Variants in FOXK2 observed in about 807,000 individuals in gnomAD.
The protein encoded by FOXK2 is forkhead box K2, also known as forkhead box protein K2.
In FOXK2, 24 loss-of-function variants were observed where a neutral mutation model predicts 53.3. The observed-to-expected ratio is 0.45, with a 90% CI of 0.33 to 0.63. The LOEUF (loss-of-function observed/expected upper bound fraction) is 0.63. Among genes scored for constraint, FOXK2 ranks in the 30% least tolerant of loss-of-function variants. FOXK2 has a pLI of 0.03. For synonymous variants in FOXK2, 505 were observed against 407.1 expected (o/e 1.24, Z -2.89); for missense variants, 952 against 910.5 (o/e 1.05, Z -0.59).
At chr17:82,592,186 C>T (rs369234610) in intron 8 of FOXK2, among the ~76,000 whole-genome samples, 5 of 152,138 alleles carry the variant, frequency 3.3e-5, no homozygotes, top group African/African-American at 7.2e-5. Context: ...ATTACAGGTA[C>T]GAGCCAGCAT....
chr17:82,551,093 G>A (rs936371610), intron 1 of FOXK2, among the ~76,000 whole-genome samples: 1 of 151,906 alleles, frequency 6.6e-6, no homozygotes, highest in African/African-American at 2.4e-5. Flanking sequence ...CGAGGCGGGC[G>A]GATCACAAGC....
chr17:82,539,098 C>T (rs566550016), intron 1 of FOXK2, among the ~76,000 whole-genome samples: 24 of 150,756 alleles, frequency 1.6e-4, no homozygotes, highest in Admixed American at 2.0e-4. Flanking sequence ...GTAAGGTGGC[C>T]GGGCGTGGTG....
chr17:82,536,982 CA>C (rs1208023784), intron 1 of FOXK2, among the ~76,000 whole-genome samples: 1 of 152,200 alleles, frequency 6.6e-6, no homozygotes, highest in African/African-American at 2.4e-5. Flanking sequence ...CAGACACACA[CA>C]ATACATTTTG....
At chr17:82,586,676 C>G (rs909625067) in intron 7 of FOXK2, among the ~76,000 whole-genome samples, 1 of 151,940 alleles carries the variant, frequency 6.6e-6, no homozygotes, top group East Asian at 1.9e-4. Context: ...CTGAGACGGT[C>G]GGATCACCTG....
chr17:82,520,939 A>G (rs565340972), intron 1 of FOXK2, among the ~76,000 whole-genome samples: 10 of 152,334 alleles, frequency 6.6e-5, no homozygotes, highest in African/African-American at 2.2e-4. Flanking sequence ...CATAACTTCT[A>G]CAAAAAGACA....
rs1344454826 is a variant in FOXK2 at position 82,603,570 on chromosome 17, G to A, written c.*2071G>A. 6.6e-6 allele frequency: 1 copy of A among 152,206 alleles called. No homozygotes were observed. The highest frequency in any genetic ancestry group is 2.4e-5 in the African/African-American group (1 of 41,448). The allele number at this position is 152,206 out of a possible 1,614,324, so 9.4% of individuals were successfully genotyped here. On this transcript the variant is annotated 3_prime_UTR_variant, in exon 9 of 9. Coordinates refer to ENST00000335255, the MANE Select transcript of FOXK2 (RefSeq NM_004514.4). Reference sequence around the variant, plus strand: ...TGTATGTTACTATCCAGAAGGAGTCGGGGGTAGACTTTCCCGTGTAAGCTC... The same window carrying A: ...TGTATGTTACTATCCAGAAGGAGTCAGGGGTAGACTTTCCCGTGTAAGCTC...
chr17:82,525,372 G>T (rs2144040103), intron 1 of FOXK2, among the ~76,000 whole-genome samples: 1 of 152,166 alleles, frequency 6.6e-6, no homozygotes, highest in Non-Finnish European at 1.5e-5. Context: ...TAGAGACGGG[G>T]TTTCACCATG....
intron 4 of FOXK2, chr17:82,576,961 G>C (rs928397886): frequency 7.7e-6 from 3 of 391,528 alleles, no homozygotes; most frequent in Non-Finnish European, 1.4e-5. Context: ...GAGGGTTCGA[G>C]ACCAGATGAC....
At chr17:82,555,299 G>A (rs1337122458) in intron 1 of FOXK2, among the ~76,000 whole-genome samples, 1 of 152,154 alleles carries the variant, frequency 6.6e-6, no homozygotes, top group Non-Finnish European at 1.5e-5. Context: ...AGCCATGTGG[G>A]GAAGACACAG....
intron 1 of FOXK2, among the ~76,000 whole-genome samples, chr17:82,549,637 A>C (rs921712604): frequency 3.3e-5 from 5 of 152,130 alleles, no homozygotes; most frequent in African/African-American, 1.2e-4. Context: ...ATGGGGGCCA[A>C]AACCCCCCAA....
chr17:82,530,239 C>T (rs547505323), intron 1 of FOXK2, among the ~76,000 whole-genome samples: 1 of 152,032 alleles, frequency 6.6e-6, no homozygotes, highest in Non-Finnish European at 1.5e-5. Context: ...GCCTGTCATC[C>T]CAGCACTTTG....
chr17:82,556,028 T>C (rs1283147783), intron 1 of FOXK2, among the ~76,000 whole-genome samples: 1 of 152,190 alleles, frequency 6.6e-6, no homozygotes, highest in Non-Finnish European at 1.5e-5. Context: ...GGACGGCTTT[T>C]ATTTTTTTAA....
chr17:82,573,556 TCTCTCTCACACACA>T (rs139709144), intron 4 of FOXK2, among the ~76,000 whole-genome samples: 13,393 of 115,880 alleles, frequency 0.12, 878 homozygotes, highest in East Asian at 0.23. Flanking sequence ...TCTCTCTCTC[TCTCTCTCACACACA>T]CACACACACA....
At chr17:82,528,473 A>G (rs2044440710) in intron 1 of FOXK2, among the ~76,000 whole-genome samples, 1 of 152,158 alleles carries the variant, frequency 6.6e-6, no homozygotes, top group Non-Finnish European at 1.5e-5. Context: ...AATTTATAAT[A>G]TCTTAAATAA....
chr17:82,541,570 T>C (rs2044574756), intron 1 of FOXK2, among the ~76,000 whole-genome samples: 1 of 152,190 alleles, frequency 6.6e-6, no homozygotes, highest in Non-Finnish European at 1.5e-5. Flanking sequence ...GCCAAATTTT[T>C]AAATGTATTA....
At chr17:82,581,754 C>T (rs142047940) in intron 4 of FOXK2, among the ~76,000 whole-genome samples, 26,769 of 152,076 alleles carry the variant, frequency 0.18, 2,710 homozygotes, top group Non-Finnish European at 0.24. Context: ...GGATTACAGG[C>T]GTGAGCCACC....
intron 1 of FOXK2, among the ~76,000 whole-genome samples, chr17:82,552,274 C>T (rs1233887918): frequency 6.6e-6 from 1 of 152,218 alleles, no homozygotes; most frequent in Non-Finnish European, 1.5e-5. Context: ...TTCCCAGATT[C>T]CCACTCCGTT....
At chr17:82,527,899 C>G (rs1286481215) in intron 1 of FOXK2, among the ~76,000 whole-genome samples, 1 of 152,154 alleles carries the variant, frequency 6.6e-6, no homozygotes, top group African/African-American at 2.4e-5. Context: ...CTCCTGGACT[C>G]AAGCGATCTT....
chr17:82,575,254 A>G (rs1170486867), intron 4 of FOXK2, among the ~76,000 whole-genome samples: 1 of 152,234 alleles, frequency 6.6e-6, no homozygotes, highest in African/African-American at 2.4e-5. Context: ...AAGAAAATGC[A>G]GAGTCCCTAA....
Sources: gnomAD v4.1 joint callset for allele counts (sites outside exome capture counted in the v4.1 genomes callset) on GRCh38, gnomAD v4.1.1 for gene constraint, MANE v1.5 for transcripts, NCBI Gene and HGNC (gene_info 2026-07-23, HGNC 2026-07-21) for gene names.